Variants in VEGFD observed in about 807,000 individuals in gnomAD.
VEGFD encodes vascular endothelial growth factor D.
A neutral mutation model predicts 28.0 loss-of-function variants in VEGFD; 26 were observed. The ratio of observed to expected loss-of-function variants is 0.93; its 90% CI spans 0.68 to 1.29. The LOEUF is 1.29. Ranked by LOEUF, VEGFD falls within the 50% of genes most tolerant of loss-of-function variation. The pLI is 0.00. For missense variants in VEGFD, 294 were observed against 273.4 expected (o/e 1.08, Z -0.53); for synonymous variants, 93 against 95.5 (o/e 0.97, Z 0.15).
chrX:15,370,957 A>AG (rs1464884640), intron 1 of VEGFD, among the ~76,000 whole-genome samples: 1 of 109,913 alleles, frequency 9.1e-6, no homozygotes. Flanking sequence ...CAAGCAGCTG[A>AG]GGGCCTCTCT....
At chrX:15,348,057 G>T (rs6527518) in intron 5 of VEGFD, among the ~76,000 whole-genome samples, 48,697 of 110,662 alleles carry the variant, frequency 0.44, 7,572 homozygotes, top group South Asian at 0.58. Context: ...GGAAGAGACA[G>T]AAACTTTGGA....
At chrX:15,355,124 A>AT (rs753943911) in intron 4 of VEGFD, 26 bp downstream of exon 4, 2 of 1,115,164 alleles carry the variant, frequency 1.8e-6, no homozygotes, top group Admixed American at 5.8e-5. Flanking sequence ...ATAATCCAGT[A>AT]TAAAAAAAAA....
Position 15,384,283 on chromosome X carries a change from C to A in VEGFD, c.-337G>T. ...TTAAAAAAATCTCTCCAATGTATGC[C>A]GCAGGTTCTAGTTGCTTTGTAAGGA... On this transcript the variant is annotated 5_prime_UTR_variant, in exon 1 of 7. Coordinates refer to ENST00000297904, the MANE Select transcript of VEGFD (RefSeq NM_004469.5). The A allele has an allele frequency of 6.2e-6, 1 of 161,990 alleles. No homozygotes were observed. Among genetic ancestry groups the A allele is most frequent in the Non-Finnish European group, 1.2e-5 (1 of 86,063 alleles). The allele number at this position is 161,990 out of a possible 1,213,427, so 13.3% of individuals were successfully genotyped here. A position where few individuals can be genotyped will look rare whatever the true frequency, so the allele number is the denominator to read the frequency against.
chrX:15,366,884 T>C (rs942959692), intron 1 of VEGFD, among the ~76,000 whole-genome samples: 2 of 112,519 alleles, frequency 1.8e-5, no homozygotes, highest in African/African-American at 6.5e-5. Context: ...CTGTAAATGA[T>C]TGTCATCTGC....
chrX:15,368,079 AAAGAAAAG>A (rs1429421310), intron 1 of VEGFD, among the ~76,000 whole-genome samples: 1 of 108,016 alleles, frequency 9.3e-6, no homozygotes, highest in African/African-American at 3.4e-5. Flanking sequence ...AGAAAGAAAG[AAAGAAAAG>A]AAAGAAAGAA....
intron 1 of VEGFD, among the ~76,000 whole-genome samples, chrX:15,374,991 T>G (rs1195414506): frequency 9.0e-6 from 1 of 111,437 alleles, no homozygotes; most frequent in African/African-American, 3.3e-5. Flanking sequence ...TCCTCTTTCC[T>G]TTCTTTCCTG....
intron 2 of VEGFD, among the ~76,000 whole-genome samples, chrX:15,359,068 G>T (rs368398184): frequency 1.8e-5 from 2 of 111,136 alleles, no homozygotes; most frequent in South Asian, 3.8e-4. Context: ...GTGTGGGGTT[G>T]TGGTGCTGGT....
chrX:15,358,864 A>G (rs1177522092), intron 2 of VEGFD, among the ~76,000 whole-genome samples: 2 of 112,530 alleles, frequency 1.8e-5, no homozygotes, highest in Non-Finnish European at 3.8e-5. Flanking sequence ...GAATAAAAAA[A>G]TTATATACTT....
intron 1 of VEGFD, among the ~76,000 whole-genome samples, chrX:15,378,410 C>T (rs1923488051): frequency 8.9e-6 from 1 of 112,074 alleles, no homozygotes; most frequent in South Asian, 3.7e-4. Context: ...TGATTTAATG[C>T]AGTAGTTCAT....
intron 5 of VEGFD, among the ~76,000 whole-genome samples, chrX:15,350,796 C>CTTTTA (rs1229844797): frequency 1.1e-5 from 1 of 91,285 alleles, no homozygotes; most frequent in Non-Finnish European, 2.2e-5. Context: ...TCTTTCTTTT[C>CTTTTA]TTTTCTTTCT....
At chrX:15,352,890 G>T (rs1922766102) in intron 5 of VEGFD, among the ~76,000 whole-genome samples, 178 bp downstream of exon 5, 1 of 112,198 alleles carries the variant, frequency 8.9e-6, no homozygotes, top group East Asian at 2.8e-4. Flanking sequence ...TGCCCATTTT[G>T]TAATTGTAAA....
Position 15,355,249 on chromosome X carries a change from A to T in VEGFD, c.542T>A (p.Val181Asp). The T allele has an allele frequency of 8.3e-7, 1 of 1,205,029 alleles. No homozygotes were observed. ...PLTSVPELVP[V>D]KVANHTGCKC... The stretch of plus-strand genomic sequence containing the variant: ...ACAACCTGTATGATTGGCAACTTTA[A>T]CAGGCACTAATTCAGGTACTGATGT... Residue 181 changes from valine to aspartate, a missense_variant, in exon 4 of 7, where the codon GTT becomes GAT. Coordinates refer to ENST00000297904, the MANE Select transcript of VEGFD (RefSeq NM_004469.5).
At chrX:15,371,927 T>G (rs1205983925) in intron 1 of VEGFD, among the ~76,000 whole-genome samples, 1 of 112,267 alleles carries the variant, frequency 8.9e-6, no homozygotes, top group Non-Finnish European at 1.9e-5. Context: ...AAATTTATTA[T>G]GAGAGCACGT....
At position 15,345,717 on chromosome X, in the gene VEGFD, G is replaced by A. The variant is rs1250930885; in HGVS notation, c.*416C>T. 7.6e-6 allele frequency: 1 copy of A among 132,352 alleles called. No homozygotes were observed. The highest frequency in any genetic ancestry group is 1.5e-5 in the Non-Finnish European group (1 of 65,049). 10.9% of individuals were successfully genotyped at this position (132,352 alleles called of 1,213,427 possible). ...ATCAGAAAGTCAGTACTGATCATAC[G>A]AATCAAATTCTGCATAAAAAAGAAT... On this transcript the variant is annotated 3_prime_UTR_variant, in exon 7 of 7. Transcript: ENST00000297904.
At chrX:15,356,568 A>G (rs1269909558) in intron 3 of VEGFD, among the ~76,000 whole-genome samples, 1 of 111,992 alleles carries the variant, frequency 8.9e-6, no homozygotes, top group Non-Finnish European at 1.9e-5. Flanking sequence ...ACATCTCAAT[A>G]TGTAATGGAA....
Position 15,355,130 on chromosome X carries a change from A to C in VEGFD, c.641+20T>G, listed in dbSNP as rs371994798. On this transcript the variant is annotated intron_variant, in intron 4 of 6. Coordinates refer to ENST00000297904, the MANE Select transcript of VEGFD (RefSeq NM_004469.5). The stretch of plus-strand genomic sequence containing the variant: ...AAAATAAGCATAATCCAGTATAAAA[A>C]AAAAAACAAAAGTGCTTACCGATCT... 2.1e-5 allele frequency: 24 copies of C among 1,153,694 alleles called. No individual in the cohort carries two copies. Among genetic ancestry groups the C allele is most frequent in the Non-Finnish European group, 2.6e-5 (23 of 872,984 alleles).
chrX:15,361,063 T>C (rs933768032), intron 2 of VEGFD, among the ~76,000 whole-genome samples: 3 of 112,653 alleles, frequency 2.7e-5, no homozygotes, highest in African/African-American at 9.7e-5. Flanking sequence ...GCTGATTTCA[T>C]TATTGACTGC....
chrX:15,361,501 G>C (rs1923011504), intron 2 of VEGFD, among the ~76,000 whole-genome samples: 1 of 112,187 alleles, frequency 8.9e-6, no homozygotes, highest in Non-Finnish European at 1.9e-5. Context: ...CAAAGAATAT[G>C]TCCCCATCTA....
At chrX:15,374,615 TG>T (rs1007947354) in intron 1 of VEGFD, among the ~76,000 whole-genome samples, 1 of 111,431 alleles carries the variant, frequency 9.0e-6, no homozygotes, top group Admixed American at 9.6e-5. Flanking sequence ...AGTGAATTTT[TG>T]GGGGGTGATG....
Sources: allele counts gnomAD v4.1 joint callset (sites outside exome capture counted in the v4.1 genomes callset), GRCh38; gene constraint gnomAD v4.1.1; transcripts MANE v1.5; gene names NCBI Gene and HGNC (gene_info 2026-07-23, HGNC 2026-07-21).